Variants in GALNT17 observed in about 807,000 individuals in gnomAD.
The protein encoded by GALNT17 is UDP-GalNAc:polypeptide N-acetylgalactosaminyltransferase-like 3.
In GALNT17, 29 loss-of-function variants were observed where a neutral mutation model predicts 63.7. That is an observed-to-expected ratio of 0.46 (90% CI 0.34 to 0.62). The LOEUF is 0.62. Among genes scored for constraint, GALNT17 ranks in the 20% least tolerant of loss-of-function variants. The pLI, the probability that GALNT17 is intolerant of heterozygous loss-of-function variation, is 0.01. For missense variants in GALNT17, 603 were observed against 799.6 expected, an observed-to-expected ratio of 0.75 and a Z score of 2.97; for synonymous variants, 305 against 318.3, an observed-to-expected ratio of 0.96 and a Z score of 0.45.
chr7:71,607,163 C>T (rs537066036), intron 6 of GALNT17, among the ~76,000 whole-genome samples: 2 of 151,986 alleles, frequency 1.3e-5, no homozygotes, highest in Non-Finnish European at 2.9e-5. Context: ...CAGAGTGAGA[C>T]CCTACCTAAG....
In GALNT17 at chr7:71,152,867, AG is replaced by A. The variant is rs550676687; in HGVS notation, c.238+19829del. 2.0e-3 allele frequency among the ~76,000 whole-genome samples: 299 copies of A among 152,238 alleles called. 1 individual carries two copies. In the Middle Eastern group the frequency reaches 0.02, roughly 10 times the overall value. On this transcript the variant is annotated intron_variant, in intron 1 of 10. Coordinates refer to ENST00000333538, the MANE Select transcript of GALNT17 (RefSeq NM_022479.3). ...AGGCTGGTCTCGAACTCCTGACCTC[AG>A]GTGATCCACCTGCCTCAGCCTCCCA...
intron 1 of GALNT17, among the ~76,000 whole-genome samples, chr7:71,208,264 G>A (rs900564517): frequency 2.6e-5 from 4 of 151,930 alleles, no homozygotes; most frequent in Admixed American, 2.0e-4. Context: ...ATTAAATGTG[G>A]TGTTTCTCAA....
intron 1 of GALNT17, among the ~76,000 whole-genome samples, chr7:71,305,460 C>T (rs1242303418): frequency 6.6e-6 from 1 of 152,204 alleles, no homozygotes; most frequent in Admixed American, 6.5e-5. Context: ...CCTGGGATGG[C>T]AGATTCAGTC....
rs764102958 is a variant in GALNT17 at position 71,187,582 on chromosome 7, CT to C, written c.238+54543del. Among the ~76,000 whole-genome samples the C allele has an allele frequency of 1.2e-3, 180 of 152,230 alleles. 1 individual carries two copies. Among genetic ancestry groups the C allele is most frequent in the Admixed American group, 3.7e-3 (57 of 15,282 alleles). On this transcript the variant is annotated intron_variant, in intron 1 of 10. Transcript: ENST00000333538. The stretch of plus-strand genomic sequence containing the variant: ...TCCTAATATTATTTCCACCTCCCCC[CT>C]CATCCACTTTTCATCGTGGAATTCT...
At chr7:71,682,293 C>A (rs990404692) in intron 9 of GALNT17, among the ~76,000 whole-genome samples, 4 of 150,314 alleles carry the variant, frequency 2.7e-5, no homozygotes, top group Admixed American at 2.6e-4. Flanking sequence ...GATGTGAAGG[C>A]GGCAGTGTCT....
intron 1 of GALNT17, among the ~76,000 whole-genome samples, chr7:71,223,229 A>G (rs531577367): frequency 6.6e-6 from 1 of 152,140 alleles, no homozygotes; most frequent in Non-Finnish European, 1.5e-5. Flanking sequence ...TTTAGCATTC[A>G]CTGATGGACG....
At chr7:71,624,340 G>A (rs568642249) in intron 6 of GALNT17, among the ~76,000 whole-genome samples, 9 of 152,338 alleles carry the variant, frequency 5.9e-5, no homozygotes, top group African/African-American at 1.9e-4. Flanking sequence ...GAAAACCACA[G>A]CAGAAGAGCA....
intron 5 of GALNT17, among the ~76,000 whole-genome samples, chr7:71,424,902 C>T (rs1041159391): frequency 2.6e-5 from 4 of 152,132 alleles, no homozygotes; most frequent in Non-Finnish European, 4.4e-5. Flanking sequence ...CTGAGACTTC[C>T]CGGTAAGCAA....
chr7:71,254,058 A>G (rs951839336), intron 1 of GALNT17, among the ~76,000 whole-genome samples: 8 of 152,216 alleles, frequency 5.3e-5, no homozygotes, highest in Admixed American at 3.9e-4. Context: ...TAAGACATCA[A>G]TCAGTGCATG....
chr7:71,625,295 C>G (rs1790355919), intron 6 of GALNT17, among the ~76,000 whole-genome samples: 1 of 152,124 alleles, frequency 6.6e-6, no homozygotes, highest in Admixed American at 6.5e-5. Flanking sequence ...CAGATGTGTG[C>G]CACCACACCT....
intron 6 of GALNT17, among the ~76,000 whole-genome samples, chr7:71,617,968 AC>A (rs1179989269): frequency 1.3e-5 from 2 of 151,062 alleles, no homozygotes; most frequent in African/African-American, 2.4e-5. Flanking sequence ...TTTTTAACCC[AC>A]CCCCTGCAAA....
chr7:71,500,641 A>G (rs1194099743), intron 5 of GALNT17, among the ~76,000 whole-genome samples: 2 of 152,154 alleles, frequency 1.3e-5, no homozygotes, highest in Non-Finnish European at 2.9e-5. Context: ...CTGTCCTCCA[A>G]GCATCCTTTG....
intron 6 of GALNT17, among the ~76,000 whole-genome samples, chr7:71,571,905 T>C (rs1407594093): frequency 2.0e-5 from 3 of 151,896 alleles, no homozygotes; most frequent in Non-Finnish European, 4.4e-5. Context: ...CCAGCTCCTC[T>C]GGAGACTGAG....
intron 1 of GALNT17, among the ~76,000 whole-genome samples, chr7:71,245,852 T>G (rs901795699): frequency 1.9e-4 from 28 of 150,922 alleles, no homozygotes; most frequent in African/African-American, 6.1e-4. Context: ...GAGCAGGTTT[T>G]TTTTTTTTTT....
intron 5 of GALNT17, among the ~76,000 whole-genome samples, chr7:71,496,108 G>A (rs772412714): frequency 3.9e-5 from 6 of 152,192 alleles, no homozygotes; most frequent in Non-Finnish European, 7.3e-5. Flanking sequence ...ACAGATGGTC[G>A]AGACTTAGAG....
chr7:71,383,920 G>A (rs1366896852), intron 2 of GALNT17, among the ~76,000 whole-genome samples: 1 of 152,096 alleles, frequency 6.6e-6, no homozygotes, highest in Non-Finnish European at 1.5e-5. Context: ...GAACATGCGG[G>A]TACAAGTATC....
At chr7:71,150,868 C>T (rs1005841160) in intron 1 of GALNT17, among the ~76,000 whole-genome samples, 32 of 151,118 alleles carry the variant, frequency 2.1e-4, no homozygotes, top group African/African-American at 6.8e-4. Flanking sequence ...TAGCCAGGCC[C>T]GGTAGTGTGT....
At chr7:71,334,331 G>T (rs1047895935) in intron 1 of GALNT17, among the ~76,000 whole-genome samples, 6 of 152,152 alleles carry the variant, frequency 3.9e-5, no homozygotes, top group South Asian at 4.1e-4. Flanking sequence ...GGGAGATTTG[G>T]ATCCTTCTGG....
intron 1 of GALNT17, among the ~76,000 whole-genome samples, chr7:71,183,898 A>C (rs1302127859): frequency 2.6e-5 from 4 of 152,132 alleles, no homozygotes. Flanking sequence ...CTCAAAAAAA[A>C]AAAATCAACA....
Sources: allele counts gnomAD v4.1 joint callset (sites outside exome capture counted in the v4.1 genomes callset), GRCh38; gene constraint gnomAD v4.1.1; transcripts MANE v1.5; gene names NCBI Gene and HGNC (gene_info 2026-07-23, HGNC 2026-07-21).